Variants in PIWIL2 observed in about 807,000 individuals in gnomAD.
The protein encoded by PIWIL2 is piwi-like protein 2.
In PIWIL2, 81 loss-of-function variants were observed where a neutral mutation model predicts 116.5. The observed-to-expected ratio is 0.70, with a 90% CI of 0.58 to 0.84. PIWIL2 has a LOEUF of 0.84. PIWIL2 is among the 40% of genes least tolerant of loss of function. The pLI, the probability that PIWIL2 is intolerant of heterozygous loss-of-function variation, is 0.00. For missense variants in PIWIL2, 1,272 were observed against 1,212.3 expected, an observed-to-expected ratio of 1.05 and a Z score of -0.73; for synonymous variants, 489 against 429.5, an observed-to-expected ratio of 1.14 and a Z score of -1.71.
chr8:22,329,546 A>G (rs1359647788), intron 20 of PIWIL2, among the ~76,000 whole-genome samples: 1 of 152,236 alleles, frequency 6.6e-6, no homozygotes, highest in Non-Finnish European at 1.5e-5. Flanking sequence ...AACTCAAAGC[A>G]AGAGCTCACT....
chr8:22,281,656 T>A, intron 4 of PIWIL2, 141 bp downstream of exon 4: 1 of 675,130 alleles, frequency 1.5e-6, no homozygotes, highest in Non-Finnish European at 2.3e-6. Flanking sequence ...TTCTCAAGAG[T>A]AGTCAGCAGC....
At chr8:22,301,016 G>T (rs1297117549) in intron 10 of PIWIL2, among the ~76,000 whole-genome samples, 2 of 151,090 alleles carry the variant, frequency 1.3e-5, no homozygotes, top group African/African-American at 4.9e-5. Flanking sequence ...ACAGAGTCTT[G>T]CTCTGTTGGC....
In PIWIL2 at chr8:22,284,442, T is replaced by TCA. The variant is rs545106904; in HGVS notation, c.743+170_743+171insCA. Among the ~76,000 whole-genome samples, 18 of 152,310 alleles carry TCA rather than the reference T, an allele frequency of 1.2e-4. No homozygotes were observed. The East Asian group carries it at 1.9e-3, about 16-fold the overall frequency. ...TTTAAGGTTAATCTTAAACTTTGTG[T>TCA]ATGTATTTAGCTATATTACCAATCT... On this transcript the variant is annotated intron_variant, in intron 6 of 22. Coordinates refer to ENST00000356766, the MANE Select transcript of PIWIL2 (RefSeq NM_018068.5).
intron 20 of PIWIL2, among the ~76,000 whole-genome samples, chr8:22,322,445 G>T (rs117427499): frequency 0.011 from 1,697 of 151,090 alleles, 22 homozygotes; most frequent in Non-Finnish European, 0.019. Flanking sequence ...GAGACAGAGG[G>T]TCACTATATT....
At chr8:22,322,944 GTC>G (rs1378242259) in intron 20 of PIWIL2, among the ~76,000 whole-genome samples, 2 of 152,064 alleles carry the variant, frequency 1.3e-5, no homozygotes, top group Admixed American at 6.6e-5. Context: ...TTGAGGCAGA[GTC>G]TCTCTCTGTT....
intron 1 of PIWIL2, among the ~76,000 whole-genome samples, chr8:22,276,379 G>T (rs1411057240): frequency 1.3e-5 from 2 of 152,188 alleles, no homozygotes; most frequent in African/African-American, 2.4e-5. Context: ...GCAGTGGCGT[G>T]ATCTCTGCTC....
intron 19 of PIWIL2, among the ~76,000 whole-genome samples, 153 bp downstream of exon 19, chr8:22,316,486 G>C (rs572791200): frequency 6.7e-6 from 1 of 148,608 alleles, no homozygotes; most frequent in Non-Finnish European, 1.5e-5. Flanking sequence ...TTTTTTTTTC[G>C]GGGGGGAGGG....
In PIWIL2 at chr8:22,283,043, A is replaced by C; in HGVS notation, c.435A>C (p.Gly145=). 1 of 1,613,854 alleles carries C rather than the reference A, an allele frequency of 6.2e-7. No homozygotes were observed. Among genetic ancestry groups the C allele is most frequent in the Non-Finnish European group, 8.5e-7 (1 of 1,179,740 alleles). The change falls in exon 5 of 23, where the codon GGA becomes GGC. Residue 145 remains glycine (G), a synonymous_variant. Coordinates refer to ENST00000356766, the MANE Select transcript of PIWIL2 (RefSeq NM_018068.5). ...ETSVGWSRTL[G]RGSSDASLLP... is the part of the protein sequence containing the mutation. The stretch of plus-strand genomic sequence containing the variant: ...TCTCTCCACATTTCAGGACGCTTGG[A>C]AGAGGGAGTTCAGATGCGTCTTTAT...
chr8:22,337,980 A>G lies in PIWIL2; in HGVS notation c.2404-14979A>G, dbSNP rs557198567. ...GTGGTGGTGCATGCCTGTAATCCCA[A>G]CTACTCGGGAGGCTGAGGAAGGAGA... On this transcript the variant is annotated intron_variant, in intron 20 of 22. Transcript: ENST00000356766. 3.0e-4 allele frequency among the ~76,000 whole-genome samples: 45 copies of G among 151,760 alleles called. 1 individual carries two copies. The East Asian group carries it at 7.2e-3, about 24-fold the overall frequency.
At chr8:22,277,802 G>A (rs1830411773) in intron 1 of PIWIL2, among the ~76,000 whole-genome samples, 1 of 152,224 alleles carries the variant, frequency 6.6e-6, no homozygotes, top group Admixed American at 6.5e-5. Flanking sequence ...GTAGGAAAGA[G>A]AGGCCAAAAA....
At chr8:22,344,046 A>C (rs1017175096) in intron 20 of PIWIL2, among the ~76,000 whole-genome samples, 2 of 152,226 alleles carry the variant, frequency 1.3e-5, no homozygotes, top group Non-Finnish European at 2.9e-5. Flanking sequence ...ATATTGTGTT[A>C]AAAGAAATAA....
intron 10 of PIWIL2, among the ~76,000 whole-genome samples, chr8:22,297,602 A>G (rs1480630819): frequency 3.3e-5 from 5 of 152,228 alleles, no homozygotes; most frequent in Non-Finnish European, 7.3e-5. Context: ...ATTCAGAACC[A>G]GTGCAATGGG....
At chr8:22,323,038 C>T (rs950635138) in intron 20 of PIWIL2, among the ~76,000 whole-genome samples, 3 of 147,430 alleles carry the variant, frequency 2.0e-5, no homozygotes, top group Non-Finnish European at 4.5e-5. Context: ...CTCAGCCTTC[C>T]GAGTAGCTGG....
intron 16 of PIWIL2, among the ~76,000 whole-genome samples, chr8:22,311,759 A>C (rs1453795994): frequency 6.6e-6 from 1 of 152,016 alleles, no homozygotes; most frequent in South Asian, 2.1e-4. Context: ...AGGTCATAGC[A>C]CTCACAACTT....
chr8:22,302,342 C>T (rs1356216783), intron 10 of PIWIL2, among the ~76,000 whole-genome samples: 1 of 151,968 alleles, frequency 6.6e-6, no homozygotes, highest in African/African-American at 2.4e-5. Context: ...CCCCCACGCC[C>T]AGTTAATTTT....
At chr8:22,305,863 T>C in intron 12 of PIWIL2, 64 bp from the exon 13 acceptor site, 1 of 1,155,988 alleles carries the variant, frequency 8.7e-7, no homozygotes, top group African/African-American at 1.5e-5. Context: ...TGACATGTCC[T>C]GTATGGTCGG....
In PIWIL2 at chr8:22,342,265, C is replaced by A. The variant is rs539063445; in HGVS notation, c.2404-10694C>A. Among the ~76,000 whole-genome samples the A allele has an allele frequency of 5.3e-5, 8 of 152,314 alleles. No individual in the cohort carries two copies. The East Asian group carries it at 1.5e-3, about 29-fold the overall frequency. On this transcript the variant is annotated intron_variant, in intron 20 of 22. Coordinates refer to ENST00000356766, the MANE Select transcript of PIWIL2 (RefSeq NM_018068.5). ...ATTTGATTGCTAGATTCAATGCAAT[C>A]TTACTCAAAATCCCAGCAAGTTATT... is the stretch of plus-strand genomic sequence containing the variant.
At chr8:22,323,810 G>A (rs1335453429) in intron 20 of PIWIL2, among the ~76,000 whole-genome samples, 1 of 152,198 alleles carries the variant, frequency 6.6e-6, no homozygotes, top group Admixed American at 6.5e-5. Flanking sequence ...TCCCAGATAT[G>A]TGCCACTTAG....
chr8:22,284,137 G>T, intron 5 of PIWIL2, 25 bp from the exon 6 acceptor site: 1 of 1,329,898 alleles, frequency 7.5e-7, no homozygotes, highest in African/African-American at 1.5e-5. Flanking sequence ...GATATATGCA[G>T]TTGCTTTTTG....
Sources: gnomAD v4.1 joint callset for allele counts (sites outside exome capture counted in the v4.1 genomes callset) on GRCh38, gnomAD v4.1.1 for gene constraint, MANE v1.5 for transcripts, NCBI Gene and HGNC (gene_info 2026-07-23, HGNC 2026-07-21) for gene names.